POGLUT1: variants seen among roughly 807,000 people sequenced by gnomAD.
POGLUT1 encodes 9630046K23Rik.
Under a neutral mutation model 61.3 loss-of-function variants are expected in POGLUT1, and 32 were observed. That is an observed-to-expected ratio of 0.52 (90% CI 0.39 to 0.70). POGLUT1 has a LOEUF of 0.70. POGLUT1 is among the 30% of genes least tolerant of loss of function. The pLI is 0.00. For synonymous variants in POGLUT1, 158 were observed against 158.2 expected (o/e 1.00, Z 0.01); for missense variants, 411 against 469.8 (o/e 0.87, Z 1.16).
intron 3 of POGLUT1, among the ~76,000 whole-genome samples, chr3:119,474,467 C>T (rs890639179): frequency 1.3e-5 from 2 of 152,122 alleles, no homozygotes; most frequent in Admixed American, 6.5e-5. Flanking sequence ...TTCAGGCAGC[C>T]GCTGACTACT....
chr3:119,491,380 T>C (rs953750484), intron 9 of POGLUT1, 138 bp from the exon 10 acceptor site: 38 of 453,764 alleles, frequency 8.4e-5, no homozygotes, highest in Admixed American at 1.3e-4. Context: ...GAGAGAACCC[T>C]GATATCTTTG....
chr3:119,479,010 C>G (rs891349601), intron 4 of POGLUT1, among the ~76,000 whole-genome samples: 2 of 152,022 alleles, frequency 1.3e-5, no homozygotes, highest in African/African-American at 2.4e-5. Context: ...CTGCAACCTC[C>G]ACCTCCCAGG....
In POGLUT1 at chr3:119,477,438, C is replaced by T. The variant is rs1264199019; in HGVS notation, c.446C>T (p.Ser149Phe). 1.9e-6 allele frequency: 3 copies of T among 1,614,096 alleles called. No individual in the cohort carries two copies. Among genetic ancestry groups the T allele is most frequent in the Non-Finnish European group, 2.5e-6 (3 of 1,179,966 alleles). The change falls in exon 4 of 11, where the codon TCC becomes TTC. Residue 149 changes from serine (S) to phenylalanine (F), a missense_variant. Coordinates refer to ENST00000295588, the MANE Select transcript of POGLUT1 (RefSeq NM_152305.3). The stretch of plus-strand genomic sequence containing the variant: ...ATGGAGCCTGCCATCCCAGTCTTCT[C>T]CTTCAGTAAGGTAAGTACAGGGAGA... ...KWMEPAIPVF[S>F]FSKTSEYHDI...
Position 119,468,964 on chromosome 3 carries a change from T to C in POGLUT1, c.-58T>C. 6.1e-6 allele frequency: 9 copies of C among 1,477,184 alleles called. No individual in the cohort carries two copies. Among genetic ancestry groups the C allele is most frequent in the Non-Finnish European group, 8.3e-6 (9 of 1,082,226 alleles). 91.5% of individuals were successfully genotyped at this position (1,477,184 alleles called of 1,614,324 possible). A position where few individuals can be genotyped will look rare whatever the true frequency, so the allele number is the denominator to read the frequency against. On this transcript the variant is annotated 5_prime_UTR_variant, in exon 1 of 11. Transcript: ENST00000295588. ...TGCTGCGGCTCCCGGGCCATCTTTG[T>C]GCGGGGCCGCGCTTCCGCCAGCGCC...
intron 7 of POGLUT1, chr3:119,488,061 A>G (rs1447003831): frequency 6.6e-6 from 1 of 152,198 alleles, no homozygotes; most frequent in African/African-American, 2.4e-5. Context: ...TGAGGATGCT[A>G]TGAGGAAAAG....
At chr3:119,489,853 G>A (rs1367819142) in intron 8 of POGLUT1, 1 of 152,516 alleles carries the variant, frequency 6.6e-6, no homozygotes, top group African/African-American at 2.4e-5. Context: ...ACTGTATTGT[G>A]AACTGTGTAT....
intron 6 of POGLUT1, 61 bp downstream of exon 6, chr3:119,485,448 C>T (rs2107714257): frequency 8.9e-7 from 1 of 1,119,480 alleles, no homozygotes; most frequent in South Asian, 1.3e-5. Flanking sequence ...ATGTAAGTAA[C>T]TTTGAGGGTA....
intron 5 of POGLUT1, among the ~76,000 whole-genome samples, chr3:119,484,840 G>C (rs1489118339): frequency 6.6e-6 from 1 of 152,184 alleles, no homozygotes; most frequent in East Asian, 1.9e-4. Flanking sequence ...AGCACCTCCA[G>C]AGCAATGAAA....
At chr3:119,471,184 C>T (rs778227512) in intron 2 of POGLUT1, 125 bp from the exon 3 acceptor site, 11 of 791,332 alleles carry the variant, frequency 1.4e-5, no homozygotes, top group African/African-American at 3.5e-5. Flanking sequence ...TGCTCATTCT[C>T]ACTCTCGATT....
chr3:119,491,690 A>G, intron 10 of POGLUT1, 116 bp downstream of exon 10: 1 of 543,786 alleles, frequency 1.8e-6, no homozygotes. Flanking sequence ...TCCTCATTAT[A>G]TGGAGATAAT....
At chr3:119,471,241 T>G in intron 2 of POGLUT1, 68 bp from the exon 3 acceptor site, 1 of 1,456,924 alleles carries the variant, frequency 6.9e-7, no homozygotes, top group Non-Finnish European at 9.6e-7. Flanking sequence ...CTAAATGCAC[T>G]TAGGAAGTAG....
intron 5 of POGLUT1, among the ~76,000 whole-genome samples, chr3:119,483,804 A>C (rs1236956304): frequency 2.6e-5 from 4 of 152,218 alleles, no homozygotes; most frequent in Non-Finnish European, 5.9e-5. Context: ...CCCTAGTAGT[A>C]ACAATCAAAA....
chr3:119,471,451 A>G lies in POGLUT1; in HGVS notation c.319A>G (p.Arg107Gly), dbSNP rs2081473230. Residue 107 changes from arginine to glycine, a missense_variant and splice_region_variant, in exon 3 of 11, where the codon AGG (arginine) becomes GGG (glycine). Coordinates refer to ENST00000295588, the MANE Select transcript of POGLUT1 (RefSeq NM_152305.3). Reference sequence around the variant, plus strand: ...GGAAAATGACTGCATGTTCCCCTCAAGGTAAGAGTTAACGAGGTAGATATA... The same window carrying G: ...GGAAAATGACTGCATGTTCCCCTCAGGGTAAGAGTTAACGAGGTAGATATA... The part of the protein sequence containing the change: ...YRENDCMFPS[R>G]CSGVEHFILE... 2 of 1,613,960 alleles carry G rather than the reference A, an allele frequency of 1.2e-6. No homozygotes were observed. Among genetic ancestry groups the G allele is most frequent in the Non-Finnish European group, 1.7e-6 (2 of 1,179,800 alleles).
chr3:119,476,681 T>A lies in POGLUT1; in HGVS notation c.321-632T>A, dbSNP rs905369285. 3.7e-4 allele frequency among the ~76,000 whole-genome samples: 56 copies of A among 152,338 alleles called. 1 individual carries two copies. Among genetic ancestry groups the A allele is most frequent in the African/African-American group, 1.3e-3 (54 of 41,582 alleles). ...AGGCAGAAACAAGCTAAACTGTCAG[T>A]GTATCTTCTTTTTCTTTCAAGAAAT... On this transcript the variant is annotated intron_variant, in intron 3 of 10. Coordinates refer to ENST00000295588, the MANE Select transcript of POGLUT1 (RefSeq NM_152305.3).
At chr3:119,491,421 C>G in intron 9 of POGLUT1, 97 bp from the exon 10 acceptor site, 1 of 532,944 alleles carries the variant, frequency 1.9e-6, no homozygotes, top group Non-Finnish European at 3.4e-6. Flanking sequence ...ATCCACATAC[C>G]TAAAATTATC....
chr3:119,490,733 C>T lies in POGLUT1; in HGVS notation c.965+15C>T, dbSNP rs746053061. The T allele has an allele frequency of 1.2e-6, 2 of 1,607,564 alleles. No individual in the cohort carries two copies. Among genetic ancestry groups the T allele is most frequent in the African/African-American group, 2.7e-5 (2 of 74,682 alleles). On this transcript the variant is annotated intron_variant, in intron 9 of 10. Transcript: ENST00000295588. ...TCCAATGTCCAGTAAGCAGTTATCC[C>T]CCAATGCAGAGTTTCTAAAGACCCT...
chr3:119,479,945 A>C, intron 4 of POGLUT1, 106 bp from the exon 5 acceptor site: 1 of 1,580,738 alleles, frequency 6.3e-7, no homozygotes, highest in Non-Finnish European at 8.6e-7. Flanking sequence ...TATCTTTGAC[A>C]ATGTGACACT....
Position 119,490,572 on chromosome 3 carries a change from C to T in POGLUT1, c.819C>T (p.Gly273=), listed in dbSNP as rs1004531113. Reference sequence around the variant, plus strand: ...CCAGGTATCTGTTTAATTTTCGAGGCGTAGCTGCAAGTTTCCGGTTTAAAC... The same window carrying T: ...CCAGGTATCTGTTTAATTTTCGAGGTGTAGCTGCAAGTTTCCGGTTTAAAC... The part of the protein sequence containing the change: ...CKYKYLFNFR[G]VAASFRFKHL... Residue 273 remains glycine, a synonymous_variant, in exon 9 of 11, where the codon GGC becomes GGT. Coordinates refer to ENST00000295588, the MANE Select transcript of POGLUT1 (RefSeq NM_152305.3). The T allele has an allele frequency of 3.7e-6, 6 of 1,613,870 alleles. No individual in the cohort carries two copies. The highest frequency in any genetic ancestry group is 4.2e-6 in the Non-Finnish European group (5 of 1,179,918).
Position 119,488,994 on chromosome 3 carries a change from T to C in POGLUT1, c.797+7T>C, listed in dbSNP as rs2081706377. The C allele has an allele frequency of 2.0e-6, 3 of 1,532,778 alleles. No homozygotes were observed. The highest frequency in any genetic ancestry group is 4.6e-5 in the East Asian group (2 of 43,936). 94.9% of individuals were successfully genotyped at this position (1,532,778 alleles called of 1,614,324 possible). On this transcript the variant is annotated splice_region_variant and intron_variant, in intron 8 of 10. Transcript: ENST00000295588. ...TGGATCACTGCAAATACAAGTAAGATTTGCAGGACTCCTCACTTTCTTGGT... is the reference window on the plus strand; with the variant it reads ...TGGATCACTGCAAATACAAGTAAGACTTGCAGGACTCCTCACTTTCTTGGT...
Sources: gnomAD v4.1 joint callset for allele counts (sites outside exome capture counted in the v4.1 genomes callset) on GRCh38, gnomAD v4.1.1 for gene constraint, MANE v1.5 for transcripts, NCBI Gene and HGNC (gene_info 2026-07-23, HGNC 2026-07-21) for gene names.